KNDC1: variants seen among roughly 807,000 people sequenced by gnomAD.
KNDC1 encodes the protein kinase non-catalytic C-lobe domain containing 1, also known as kinase non-catalytic C-lobe domain-containing protein 1.
In KNDC1, 106 loss-of-function variants were observed where a neutral mutation model predicts 172.8. The observed-to-expected ratio is 0.61, with a 90% confidence interval of 0.52 to 0.72. KNDC1 has a LOEUF of 0.72. KNDC1 is among the 30% of genes least tolerant of loss of function. The pLI is 0.00. For synonymous variants in KNDC1, 1,083 were observed against 1,062.2 expected, an observed-to-expected ratio of 1.02 and a Z score of -0.38; for missense variants, 2,325 against 2,394.5, an observed-to-expected ratio of 0.97 and a Z score of 0.61.
chr10:133,193,177 T>G (rs11101628), intron 9 of KNDC1, among the ~76,000 whole-genome samples: 3,344 of 152,334 alleles, frequency 0.022, 45 homozygotes, highest in Middle Eastern at 0.034. Context: ...TTTTTTAAGT[T>G]CTGAAAGAAC....
At chr10:133,199,660 G>T (rs1854306883) in intron 15 of KNDC1, 58 bp downstream of exon 15, 1 of 1,585,360 alleles carries the variant, frequency 6.3e-7, no homozygotes. Context: ...CTGTGCCTGG[G>T]CTCTGCTGCC....
rs375624040 is a variant in KNDC1, at chr10:133,199,618, G to A, written c.2903+16G>A. 2.0e-5 allele frequency: 32 copies of A among 1,611,426 alleles called. No individual in the cohort carries two copies. In the African/African-American group the frequency reaches 2.4e-4, roughly 12 times the overall value. ...CCTCCCCAAGGTGGGTGCCCAGTTCGGCCCTGCATTCCCGCCCCTCCCTGA... is the reference window on the plus strand; with the variant it reads ...CCTCCCCAAGGTGGGTGCCCAGTTCAGCCCTGCATTCCCGCCCCTCCCTGA... On this transcript the variant is annotated intron_variant, in intron 15 of 29. Coordinates refer to ENST00000304613, the MANE Select transcript of KNDC1 (RefSeq NM_152643.8).
In KNDC1 at chr10:133,226,167, A is replaced by C. The variant is rs1365821804; in HGVS notation, c.*1277A>C. ...GGGCCCCGCTTCGATGTAACATGAGAGGAAGTCGGCGTCCTGGCCACGAAA... is the reference window on the plus strand; with the variant it reads ...GGGCCCCGCTTCGATGTAACATGAGCGGAAGTCGGCGTCCTGGCCACGAAA... On this transcript the variant is annotated 3_prime_UTR_variant, in exon 30 of 30. Coordinates refer to ENST00000304613, the MANE Select transcript of KNDC1 (RefSeq NM_152643.8). 6.6e-6 allele frequency: 1 copy of C among 152,228 alleles called. No individual in the cohort carries two copies. Among genetic ancestry groups the C allele is most frequent in the Non-Finnish European group, 1.5e-5 (1 of 68,044 alleles). 9.4% of individuals were successfully genotyped at this position (152,228 alleles called of 1,614,324 possible).
At position 133,225,433 on chromosome 10, in the gene KNDC1, C is replaced by T. The variant is rs1003274845; in HGVS notation, c.*543C>T. On this transcript the variant is annotated 3_prime_UTR_variant, in exon 30 of 30. Transcript: ENST00000304613. Reference sequence around the variant, plus strand: ...CGAGACCCTGCCTGGGTTCACCCCCCACAACCCAGACCCAGAACCGCTCTC... The same window carrying T: ...CGAGACCCTGCCTGGGTTCACCCCCTACAACCCAGACCCAGAACCGCTCTC... 1.8e-5 allele frequency: 3 copies of T among 163,320 alleles called. No individual in the cohort carries two copies. 10.1% of individuals were successfully genotyped at this position (163,320 alleles called of 1,614,324 possible).
chr10:133,177,385 C>T (rs1853569644), intron 3 of KNDC1, among the ~76,000 whole-genome samples: 1 of 152,036 alleles, frequency 6.6e-6, no homozygotes, highest in Non-Finnish European at 1.5e-5. Context: ...CACACGTATG[C>T]AGTATGGTGT....
rs1001867651 is a variant in KNDC1, at chr10:133,224,508, C to T, written c.5019-151C>T. ...GGTCTGAGTAGTGACCTTTCCACCT[C>T]GCCAATAAATACAGACAACCCACCC... On this transcript the variant is annotated intron_variant, in intron 29 of 29. Transcript: ENST00000304613. The surrounding 1 kb of genome is among the most constrained non-coding windows in gnomAD (Gnocchi z 5.4). 9.5e-6 allele frequency: 6 copies of T among 628,334 alleles called. No individual in the cohort carries two copies. Among genetic ancestry groups the T allele is most frequent in the African/African-American group, 1.8e-5 (1 of 54,100 alleles). The allele number at this position is 628,334 out of a possible 1,614,324, so 38.9% of individuals were successfully genotyped here. A position where few individuals can be genotyped will look rare whatever the true frequency, so the allele number is the denominator to read the frequency against.
intron 21 of KNDC1, among the ~76,000 whole-genome samples, chr10:133,211,210 C>A (rs1845355512): frequency 6.6e-6 from 1 of 151,640 alleles, no homozygotes; most frequent in African/African-American, 2.4e-5. Context: ...CACGCACCCC[C>A]TTGCCCCCAC....
intron 6 of KNDC1, among the ~76,000 whole-genome samples, chr10:133,188,159 A>C (rs1240045214): frequency 6.6e-6 from 1 of 152,068 alleles, no homozygotes; most frequent in Non-Finnish European, 1.5e-5. Flanking sequence ...CGTGTTGGCT[A>C]TTTCGAGCCG....
rs114127058 is a variant in KNDC1, at chr10:133,176,544, C to T, written c.361-6800C>T. ...GGCCCTGGCCATCTGGATGCTCGGC[C>T]GGGTTTTCAAACCTCTGGTCCATAC... On this transcript the variant is annotated intron_variant, in intron 3 of 29. Coordinates refer to ENST00000304613, the MANE Select transcript of KNDC1 (RefSeq NM_152643.8). Among the ~76,000 whole-genome samples the T allele has an allele frequency of 6.1e-3, 936 of 152,226 alleles. 6 individuals are homozygous for T. The highest frequency in any genetic ancestry group is 0.022 in the African/African-American group (894 of 41,508).
In KNDC1 at chr10:133,197,670, C is replaced by T. The variant is rs1854233161; in HGVS notation, c.1813-5C>T. The T allele has an allele frequency of 1.2e-6, 2 of 1,610,572 alleles. No individual in the cohort carries two copies. The highest frequency in any genetic ancestry group is 1.1e-5 in the South Asian group (1 of 91,036). Reference sequence around the variant, plus strand: ...CCTGGCCCAGGGCTGTCACCTCCTCCCCAGGTGTACCAGGAGGAAGAGACC... The same window carrying T: ...CCTGGCCCAGGGCTGTCACCTCCTCTCCAGGTGTACCAGGAGGAAGAGACC... On this transcript the variant is annotated splice_polypyrimidine_tract_variant and splice_region_variant and intron_variant, in intron 11 of 29. Transcript: ENST00000304613.
At position 133,214,127 on chromosome 10, in the gene KNDC1, G is replaced by A. The variant is rs1430270186; in HGVS notation, c.4677+5G>A. ...GTGACCAGCCACACCTCCAAGGTGG[G>A]CACCCTACAGTTCCGAGGCCAACAC... On this transcript the variant is annotated splice_donor_5th_base_variant and intron_variant, in intron 26 of 29. Transcript: ENST00000304613. 1 of 1,613,638 alleles carries A rather than the reference G, an allele frequency of 6.2e-7. No homozygotes were observed. The highest frequency in any genetic ancestry group is 8.5e-7 in the Non-Finnish European group (1 of 1,179,930).
Position 133,224,988 on chromosome 10 carries a change from G to T in KNDC1, c.*98G>T. On this transcript the variant is annotated 3_prime_UTR_variant, in exon 30 of 30. Coordinates refer to ENST00000304613, the MANE Select transcript of KNDC1 (RefSeq NM_152643.8). This position sits in a 1 kb window ranked among gnomAD's most constrained non-coding sequence, Gnocchi z 5.4. ...CGTCTCAGGCCCGGCCGTTATCAAG[G>T]CCCCTCCGCCCCCGAACCCTGGGGA... The T allele has an allele frequency of 9.5e-6, 9 of 942,746 alleles. No individual in the cohort carries two copies. Among genetic ancestry groups the T allele is most frequent in the South Asian group, 1.5e-5 (1 of 64,690 alleles). The allele number at this position is 942,746 out of a possible 1,614,324, so 58.4% of individuals were successfully genotyped here.
chr10:133,168,287 TC>T lies in KNDC1; in HGVS notation c.336del (p.Phe112LeufsTer3). 6.2e-7 allele frequency: 1 copy of T among 1,614,162 alleles called. No homozygotes were observed. ...DPEGAFVPPEFDVTGNTFEAH... is the reference protein window; with the variant it reads ...DPEGAFVPPEXDVTGNTFEAH... ...GAGGGTGCCTTCGTTCCCCCCGAGTTCGACGTGACCGGGAACACCTTTGAGG... is the reference window on the plus strand; with the variant it reads ...GAGGGTGCCTTCGTTCCCCCCGAGTTGACGTGACCGGGAACACCTTTGAGG... On this transcript the variant is annotated frameshift_variant, in exon 3 of 30. Transcript: ENST00000304613. LOFTEE classifies it high-confidence loss of function.
Position 133,209,325 on chromosome 10 carries a change from CGT to C in KNDC1, c.3795-1280_3795-1279del, listed in dbSNP as rs1845302423. Among the ~76,000 whole-genome samples the C allele has an allele frequency of 6.8e-6, 1 of 146,304 alleles. No individual in the cohort carries two copies. The highest frequency in any genetic ancestry group is 2.6e-5 in the African/African-American group (1 of 39,016). The stretch of plus-strand genomic sequence containing the variant: ...GTGTGGGGTACAGTGTGTGTGTGCA[CGT>C]GTGTGCTGTGCGGTGTGGGGTATAG... On this transcript the variant is annotated intron_variant, in intron 20 of 29. Transcript: ENST00000304613. The surrounding 1 kb of genome is among the most constrained non-coding windows in gnomAD (Gnocchi z 4.9).
Position 133,168,105 on chromosome 10 carries a change from C to T in KNDC1, c.302-149C>T, listed in dbSNP as rs1853237928. On this transcript the variant is annotated intron_variant, in intron 2 of 29. Coordinates refer to ENST00000304613, the MANE Select transcript of KNDC1 (RefSeq NM_152643.8). ...TCATAACCGTTAAGGAGCTGATTTC[C>T]CTTTTTCATGGCCTAAAATGGTCTG... is the stretch of plus-strand genomic sequence containing the variant. 8.2e-6 allele frequency: 6 copies of T among 732,110 alleles called. No individual in the cohort carries two copies. The South Asian group carries it at 8.8e-5, about 11-fold the overall frequency. The allele number at this position is 732,110 out of a possible 1,614,324, so 45.4% of individuals were successfully genotyped here. A position where few individuals can be genotyped will look rare whatever the true frequency, so the allele number is the denominator to read the frequency against.
At chr10:133,161,742 G>A (rs979777709) in intron 1 of KNDC1, among the ~76,000 whole-genome samples, 7 of 152,144 alleles carry the variant, frequency 4.6e-5, no homozygotes, top group African/African-American at 1.4e-4. Context: ...TGACCGAGAG[G>A]GAGGGGCAGC....
At chr10:133,201,472 C>G (rs1202238448) in intron 16 of KNDC1, 29 bp from the exon 17 acceptor site, 2 of 1,563,510 alleles carry the variant, frequency 1.3e-6, no homozygotes, top group Admixed American at 3.8e-5. Context: ...GAGCCACTGT[C>G]CACGTAACCT....
chr10:133,218,059 C>CA (rs35600165), intron 26 of KNDC1, among the ~76,000 whole-genome samples: 2,140 of 100,498 alleles, frequency 0.021, 65 homozygotes, highest in African/African-American at 0.062. Flanking sequence ...GACTCCATCT[C>CA]AAAAAAAAAA....
intron 20 of KNDC1, 60 bp from the exon 21 acceptor site, chr10:133,210,551 T>G: frequency 1.0e-6 from 1 of 993,924 alleles, no homozygotes; most frequent in Non-Finnish European, 1.6e-6. Flanking sequence ...CACCGAACAC[T>G]AGCCGAGCCC....
Sources: allele counts gnomAD v4.1 joint callset (sites outside exome capture counted in the v4.1 genomes callset), GRCh38; gene constraint gnomAD v4.1.1; non-coding constraint Gnocchi (gnomAD v3.1); transcripts MANE v1.5; gene names NCBI Gene and HGNC (gene_info 2026-07-23, HGNC 2026-07-21).